STAMBPL1: variants seen among roughly 807,000 people sequenced by gnomAD.
STAMBPL1 encodes AMSH-like protease.
In STAMBPL1, 44 loss-of-function variants were observed where a neutral mutation model predicts 52.9. That is an observed-to-expected ratio of 0.83 (90% CI 0.65 to 1.07). The LOEUF (loss-of-function observed/expected upper bound fraction) is 1.07. Ranked by LOEUF, STAMBPL1 falls within the 50% of genes least tolerant of loss-of-function variation. The pLI is 0.00. For synonymous variants in STAMBPL1, 164 were observed against 177.3 expected, an observed-to-expected ratio of 0.92 and a Z score of 0.60; for missense variants, 511 against 520.8, an observed-to-expected ratio of 0.98 and a Z score of 0.18.
At chr10:88,912,995 A>C (rs758946048) in intron 5 of STAMBPL1, 106 bp from the exon 6 acceptor site, 7 of 937,474 alleles carry the variant, frequency 7.5e-6, no homozygotes, top group Non-Finnish European at 9.7e-6. Context: ...GGCATATCAC[A>C]GTATCTAGCA....
At chr10:88,898,043 T>C (rs1277379861) in intron 1 of STAMBPL1, among the ~76,000 whole-genome samples, 2 of 152,218 alleles carry the variant, frequency 1.3e-5, no homozygotes, top group African/African-American at 4.8e-5. Flanking sequence ...TCTGATTAGA[T>C]TGAGGTAGCA....
intron 1 of STAMBPL1, among the ~76,000 whole-genome samples, chr10:88,892,587 A>G (rs1020608931): frequency 1.7e-4 from 26 of 152,200 alleles, no homozygotes; most frequent in Non-Finnish European, 3.1e-4. Flanking sequence ...AAAACTCTTT[A>G]AAATGGATTG....
rs548172436 is a variant in STAMBPL1 at position 88,913,941 on chromosome 10, T to G, written c.778+483T>G. ...ATTAACCTCCAAATGGACCGTGTGT[T>G]TCCGCAAGAATTAGTGCTGCTCAGT... On this transcript the variant is annotated intron_variant, in intron 6 of 10. Transcript: ENST00000371926. 3.3e-5 allele frequency among the ~76,000 whole-genome samples: 5 copies of G among 152,310 alleles called. No individual in the cohort carries two copies. In the South Asian group the frequency reaches 1.0e-3, roughly 32 times the overall value.
At chr10:88,917,194 A>G (rs1306033127) in intron 8 of STAMBPL1, among the ~76,000 whole-genome samples, 1 of 152,178 alleles carries the variant, frequency 6.6e-6, no homozygotes, top group East Asian at 1.9e-4. Context: ...GGCTTAGCCA[A>G]ATTGTTAACT....
Position 88,921,454 on chromosome 10 carries a change from T to C in STAMBPL1, c.1154+59T>C, listed in dbSNP as rs187029713. ...GCTTTGTCCAGGGCTGCTGGGTTCC[T>C]GTGTGTCCAGACACCAGGTTGTGGT... On this transcript the variant is annotated intron_variant, in intron 9 of 10. Coordinates refer to ENST00000371926, the MANE Select transcript of STAMBPL1 (RefSeq NM_020799.4). 7,201 of 1,387,506 alleles carry C rather than the reference T, an allele frequency of 5.2e-3. 36 individuals are homozygous for C. The highest frequency in any genetic ancestry group is 6.2e-3 in the Non-Finnish European group (6,085 of 981,024). 85.9% of individuals were successfully genotyped at this position (1,387,506 alleles called of 1,614,324 possible).
In STAMBPL1 at chr10:88,923,286, A is replaced by C. The variant is rs937296614; in HGVS notation, c.*62A>C. On this transcript the variant is annotated 3_prime_UTR_variant, in exon 11 of 11. Transcript: ENST00000371926. ...CTACTCATGGACATGTGGTTGCCGG[A>C]TTTTCTTAAGATGTTTCCAGAAATG... The C allele has an allele frequency of 6.6e-7, 1 of 1,521,598 alleles. No individual in the cohort carries two copies. The highest frequency in any genetic ancestry group is 8.8e-7 in the Non-Finnish European group (1 of 1,140,738). The allele number at this position is 1,521,598 out of a possible 1,614,324, so 94.3% of individuals were successfully genotyped here. A position where few individuals can be genotyped will look rare whatever the true frequency, so the allele number is the denominator to read the frequency against.
chr10:88,908,707 T>G lies in STAMBPL1; in HGVS notation c.254T>G (p.Phe85Cys), dbSNP rs756949249. The G allele has an allele frequency of 4.3e-6, 7 of 1,609,564 alleles. No individual in the cohort carries two copies. The highest frequency in any genetic ancestry group is 5.9e-6 in the Non-Finnish European group (7 of 1,178,530). ...FVLYNKFITL[F>C]VEKLPNHRDY... ...ACATGTTTTCTCTTCCTTAGCTTAT[T>G]TGTAGAAAAGCTTCCTAACCATCGA... Residue 85 changes from phenylalanine to cysteine, a missense_variant, in exon 4 of 11, where the codon TTT (phenylalanine) becomes TGT (cysteine). Around this residue, in one of 3 missense-constraint regions of STAMBPL1, gnomAD observed 358 missense variants for 343.5 expected, o/e 1.04. Transcript: ENST00000371926.
chr10:88,907,615 G>T (rs989022673), intron 3 of STAMBPL1, among the ~76,000 whole-genome samples: 19 of 152,140 alleles, frequency 1.2e-4, no homozygotes, highest in Admixed American at 7.9e-4. Context: ...ATTATTAGTT[G>T]TATGATAATT....
chr10:88,899,467 T>G lies in STAMBPL1; in HGVS notation c.-53-2189T>G, dbSNP rs17114020. 9.1e-3 allele frequency among the ~76,000 whole-genome samples: 1,380 copies of G among 152,326 alleles called. 36 individuals are homozygous for G. The East Asian group carries it at 0.11, about 12-fold the overall frequency. ...TCAACCTTTTAAATTCTATGCTCTC[T>G]CTTTATGGATCTGAGCAATCATCAA... On this transcript the variant is annotated intron_variant, in intron 1 of 10. Transcript: ENST00000371926.
intron 1 of STAMBPL1, among the ~76,000 whole-genome samples, chr10:88,885,521 T>A (rs1185491171): frequency 6.6e-6 from 1 of 152,232 alleles, no homozygotes; most frequent in Non-Finnish European, 1.5e-5. Context: ...TCAAGGCTTC[T>A]TATGCCTCCC....
intron 1 of STAMBPL1, among the ~76,000 whole-genome samples, chr10:88,894,991 T>A (rs891065275): frequency 2.6e-5 from 4 of 152,214 alleles, no homozygotes; most frequent in African/African-American, 9.7e-5. Flanking sequence ...AAGAGTGCCT[T>A]TTGTAATGGC....
At chr10:88,889,287 A>G (rs1844618684) in intron 1 of STAMBPL1, among the ~76,000 whole-genome samples, 1 of 152,226 alleles carries the variant, frequency 6.6e-6, no homozygotes, top group Admixed American at 6.5e-5. Flanking sequence ...ACAGGAATGC[A>G]TATTATTTTA....
intron 9 of STAMBPL1, 143 bp from the exon 10 acceptor site, chr10:88,922,192 TAA>T: frequency 6.9e-6 from 5 of 721,438 alleles, no homozygotes; most frequent in Non-Finnish European, 1.1e-5. Flanking sequence ...GTCATTGGTT[TAA>T]AAAAAAAATC....
chr10:88,896,566 A>C (rs1263452307), intron 1 of STAMBPL1, among the ~76,000 whole-genome samples: 1 of 152,228 alleles, frequency 6.6e-6, no homozygotes, highest in Non-Finnish European at 1.5e-5. Flanking sequence ...CCAATTAGAA[A>C]TGAGACTGCT....
At chr10:88,897,969 A>G (rs1844853593) in intron 1 of STAMBPL1, among the ~76,000 whole-genome samples, 1 of 152,220 alleles carries the variant, frequency 6.6e-6, no homozygotes, top group South Asian at 2.1e-4. Context: ...CCACAGTAGC[A>G]CAAATGGCAA....
chr10:88,923,339 G>C lies in STAMBPL1; in HGVS notation c.*115G>C, dbSNP rs1845563145. On this transcript the variant is annotated 3_prime_UTR_variant, in exon 11 of 11. Transcript: ENST00000371926. ...TGATATTTTATATTTATACATTTTAGATGACAAAGCTTGATATTTATTGCT... is the reference window on the plus strand; with the variant it reads ...TGATATTTTATATTTATACATTTTACATGACAAAGCTTGATATTTATTGCT... The C allele has an allele frequency of 2.1e-6, 3 of 1,413,548 alleles. No homozygotes were observed. Among genetic ancestry groups the C allele is most frequent in the Non-Finnish European group, 1.8e-6 (2 of 1,086,574 alleles). The allele number at this position is 1,413,548 out of a possible 1,614,324, so 87.6% of individuals were successfully genotyped here.
In STAMBPL1 at chr10:88,922,399, G is replaced by A. The variant is rs1446675709; in HGVS notation, c.1217G>A (p.Gly406Asp). The A allele has an allele frequency of 1.2e-6, 2 of 1,613,224 alleles. No homozygotes were observed. The highest frequency in any genetic ancestry group is 1.7e-6 in the Non-Finnish European group (2 of 1,179,638). The change falls in exon 10 of 11, where the codon GGC (glycine) becomes GAC (aspartate). Residue 406 changes from glycine to aspartate, a missense_variant. Coordinates refer to ENST00000371926, the MANE Select transcript of STAMBPL1 (RefSeq NM_020799.4). Reference protein sequence around the residue: ...MLEVSACKKKGFHPHTKEPRL... With the variant: ...MLEVSACKKKDFHPHTKEPRL... Reference sequence around the variant, plus strand: ...GAGGTTTCTGCTTGTAAAAAAAAGGGCTTTCATCCACACACCAAGGAGCCC... The same window carrying A: ...GAGGTTTCTGCTTGTAAAAAAAAGGACTTTCATCCACACACCAAGGAGCCC...
chr10:88,910,859 A>C (rs997185470), intron 4 of STAMBPL1, 57 bp from the exon 5 acceptor site: 3 of 1,259,514 alleles, frequency 2.4e-6, no homozygotes, highest in Non-Finnish European at 3.3e-6. Flanking sequence ...TCACCTGATG[A>C]TCTGAAAGAG....
Position 88,905,457 on chromosome 10 carries a change from T to G in STAMBPL1, c.45T>G (p.Ala15=), listed in dbSNP as rs760025154. The G allele has an allele frequency of 6.2e-7, 1 of 1,614,112 alleles. No homozygotes were observed. The highest frequency in any genetic ancestry group is 1.1e-5 in the South Asian group (1 of 91,078). Residue 15 remains alanine, a synonymous_variant, in exon 3 of 11, where the codon GCT becomes GCG. Transcript: ENST00000371926. Reference sequence around the variant, plus strand: ...TTGCTTTGCAGAAAAAGTTAGCTGCTATGCCTGACCATACAGATGTTTCCC... The same window carrying G: ...TTGCTTTGCAGAAAAAGTTAGCTGCGATGCCTGACCATACAGATGTTTCCC... The part of the protein sequence containing the change: ...FTVNSLKKLA[A]MPDHTDVSLS...
Sources: allele counts gnomAD v4.1 joint callset (sites outside exome capture counted in the v4.1 genomes callset), GRCh38; gene constraint gnomAD v4.1.1; regional missense constraint gnomAD v4.1.1; transcripts MANE v1.5; gene names NCBI Gene and HGNC (gene_info 2026-07-23, HGNC 2026-07-21).